TMPRSS15: variants seen among roughly 807,000 people sequenced by gnomAD.
TMPRSS15 encodes enteropeptidase.
A neutral mutation model predicts 125.3 loss-of-function variants in TMPRSS15; 128 were observed. The ratio of observed to expected loss-of-function variants is 1.02; its 90% CI spans 0.89 to 1.18. The LOEUF is 1.18. Ranked by LOEUF, TMPRSS15 falls within the 50% of genes most tolerant of loss-of-function variation. TMPRSS15 has a pLI of 0.00. For missense variants in TMPRSS15, 1,283 were observed against 1,212.7 expected (o/e 1.06, Z -0.86); for synonymous variants, 446 against 423.2 (o/e 1.05, Z -0.66).
intron 21 of TMPRSS15, among the ~76,000 whole-genome samples, chr21:18,284,462 T>G (rs1011560522): frequency 2.0e-5 from 3 of 152,216 alleles, no homozygotes; most frequent in Non-Finnish European, 2.9e-5. Flanking sequence ...TAATCACTGT[T>G]GGGATACTGA....
intron 21 of TMPRSS15, among the ~76,000 whole-genome samples, chr21:18,289,467 G>A (rs945309366): frequency 2.4e-4 from 37 of 152,158 alleles, no homozygotes; most frequent in Admixed American, 1.6e-3. Flanking sequence ...AGCCAAGATC[G>A]TGCCATTGCA....
intron 3 of TMPRSS15, among the ~76,000 whole-genome samples, chr21:18,394,284 C>T (rs527755357): frequency 1.3e-5 from 2 of 152,070 alleles, no homozygotes; most frequent in South Asian, 2.1e-4. Flanking sequence ...GGGATATTAA[C>T]CCTGAATAAA....
At chr21:18,403,260 C>G (rs996567215) in intron 1 of TMPRSS15, among the ~76,000 whole-genome samples, 2 of 152,110 alleles carry the variant, frequency 1.3e-5, no homozygotes, top group Non-Finnish European at 2.9e-5. Context: ...AAATTACATA[C>G]CAATTAATTT....
At chr21:18,271,481 C>T (rs767223153) in intron 24 of TMPRSS15, among the ~76,000 whole-genome samples, 3 of 152,298 alleles carry the variant, frequency 2.0e-5, no homozygotes, top group Non-Finnish European at 2.9e-5. Context: ...TGTTGCCTAT[C>T]GGCTGGGTGG....
At chr21:18,436,456 T>G (rs1230876532) in intron 1 of TMPRSS15, among the ~76,000 whole-genome samples, 2 of 152,252 alleles carry the variant, frequency 1.3e-5, no homozygotes, top group African/African-American at 4.8e-5. Flanking sequence ...GTGAGTTTCT[T>G]AATCTTGAGT....
At chr21:18,347,411 A>G (rs2075520305) in intron 10 of TMPRSS15, among the ~76,000 whole-genome samples, 1 of 151,830 alleles carries the variant, frequency 6.6e-6, no homozygotes, top group African/African-American at 2.4e-5. Flanking sequence ...TAATTTTTGT[A>G]TTTTTAGTAG....
intron 1 of TMPRSS15, among the ~76,000 whole-genome samples, chr21:18,443,321 C>G (rs1335186413): frequency 6.6e-6 from 1 of 152,102 alleles, no homozygotes; most frequent in Non-Finnish European, 1.5e-5. Context: ...GCAGGGGACA[C>G]AGAAAGCAGG....
chr21:18,416,669 T>C (rs966475869), intron 1 of TMPRSS15, among the ~76,000 whole-genome samples: 2 of 152,026 alleles, frequency 1.3e-5, no homozygotes, highest in Non-Finnish European at 2.9e-5. Context: ...TCACAAACTA[T>C]TTGCAGCATA....
Position 18,474,659 on chromosome 21 carries a change from G to A in TMPRSS15, c.10+11140C>T, listed in dbSNP as rs113481913. Among the ~76,000 whole-genome samples the A allele has an allele frequency of 1.8e-4, 28 of 152,256 alleles. 1 individual carries two copies. The East Asian group carries it at 5.4e-3, about 29-fold the overall frequency. The stretch of plus-strand genomic sequence containing the variant: ...AGGTGGCTGTTATGATCAACAAAGA[G>A]AATTCTTCAAAGAAGCTAGTAAGAG... On this transcript the variant is annotated intron_variant, in intron 1 of 7. Coordinates refer to the TMPRSS15 transcript ENST00000422787.
chr21:18,387,446 A>G (rs1382611918), intron 3 of TMPRSS15, among the ~76,000 whole-genome samples: 1 of 152,194 alleles, frequency 6.6e-6, no homozygotes, highest in African/African-American at 2.4e-5. Flanking sequence ...TCAAAGGGCA[A>G]AAGAAACTGC....
chr21:18,318,894 A>C (rs968416796), intron 16 of TMPRSS15, among the ~76,000 whole-genome samples: 19 of 152,224 alleles, frequency 1.2e-4, no homozygotes, highest in Non-Finnish European at 2.8e-4. Flanking sequence ...TGTCTTTCAC[A>C]AAGCAGGGAA....
intron 1 of TMPRSS15, among the ~76,000 whole-genome samples, chr21:18,436,651 C>T (rs2076228490): frequency 6.6e-6 from 1 of 150,842 alleles, no homozygotes; most frequent in South Asian, 2.1e-4. Flanking sequence ...CAATAACAGA[C>T]AAACAGAGAG....
At chr21:18,321,816 C>T (rs1244794820) in intron 16 of TMPRSS15, among the ~76,000 whole-genome samples, 5 of 152,084 alleles carry the variant, frequency 3.3e-5, no homozygotes. Flanking sequence ...TAAAAAATCT[C>T]GACGGAAGCA....
intron 1 of TMPRSS15, among the ~76,000 whole-genome samples, chr21:18,438,633 C>A (rs1318729676): frequency 1.3e-5 from 2 of 152,064 alleles, no homozygotes; most frequent in African/African-American, 4.8e-5. Flanking sequence ...ATCACAAATA[C>A]CGTCTCATCA....
chr21:18,351,439 G>A (rs1275409124), intron 10 of TMPRSS15, among the ~76,000 whole-genome samples: 4 of 152,096 alleles, frequency 2.6e-5, no homozygotes, highest in Non-Finnish European at 4.4e-5. Context: ...ATGTGCTGAG[G>A]GCAGGACCTG....
At chr21:18,474,707 G>T (rs879316415) in intron 1 of TMPRSS15, among the ~76,000 whole-genome samples, 1 of 152,176 alleles carries the variant, frequency 6.6e-6, no homozygotes, top group Non-Finnish European at 1.5e-5. Context: ...AAGCTGAGAA[G>T]ATCAGAACAA....
intron 1 of TMPRSS15, among the ~76,000 whole-genome samples, chr21:18,468,123 A>G (rs1260794410): frequency 6.6e-6 from 1 of 152,116 alleles, no homozygotes; most frequent in Non-Finnish European, 1.5e-5. Flanking sequence ...AAGGATTACA[A>G]CTTTTGAGGT....
chr21:18,473,663 C>A (rs902391720), intron 1 of TMPRSS15, among the ~76,000 whole-genome samples: 2 of 151,902 alleles, frequency 1.3e-5, no homozygotes, highest in Non-Finnish European at 1.5e-5. Context: ...GGAATTGGAC[C>A]TGAGAAGTAT....
chr21:18,365,938 T>C (rs1414912188), intron 6 of TMPRSS15, among the ~76,000 whole-genome samples: 1 of 151,750 alleles, frequency 6.6e-6, no homozygotes, highest in Non-Finnish European at 1.5e-5. Flanking sequence ...TTTCACCATG[T>C]TGGCCAGGCT....
Sources: allele counts gnomAD v4.1 joint callset (sites outside exome capture counted in the v4.1 genomes callset), GRCh38; gene constraint gnomAD v4.1.1; transcripts MANE v1.5; gene names NCBI Gene and HGNC (gene_info 2026-07-23, HGNC 2026-07-21).